P4HB: variants seen among roughly 807,000 people sequenced by gnomAD.
The protein encoded by P4HB is prolyl 4-hydroxylase subunit beta, also known as protein disulfide-isomerase.
In P4HB, 20 loss-of-function variants were observed where a neutral mutation model predicts 52.6. The ratio of observed to expected loss-of-function variants is 0.38; its 90% CI spans 0.27 to 0.55. The LOEUF (loss-of-function observed/expected upper bound fraction) is 0.55, where lower values mean the gene tolerates loss of function less well. P4HB is among the 20% of genes least tolerant of loss of function. The pLI, the probability that P4HB is intolerant of heterozygous loss-of-function variation, is 0.74. For synonymous variants in P4HB, 296 were observed against 277.9 expected, an observed-to-expected ratio of 1.07 and a Z score of -0.65; for missense variants, 601 against 669.2, an observed-to-expected ratio of 0.90 and a Z score of 1.12.
Position 81,855,681 on chromosome 17 carries a change from G to GGC in P4HB, c.353-96_353-95insGC. 1 of 1,413,352 alleles carries GGC rather than the reference G, an allele frequency of 7.1e-7. No homozygotes were observed. The highest frequency in any genetic ancestry group is 9.6e-7 in the Non-Finnish European group (1 of 1,042,674). The allele number at this position is 1,413,352 out of a possible 1,614,324, so 87.6% of individuals were successfully genotyped here. ...GTCTCTGCTCTCTGCCAGCCAGGCT[G>GGC]AGGACACCTGAATCAACCTAAGTAA... On this transcript the variant is annotated intron_variant, in intron 2 of 10. Coordinates refer to ENST00000331483, the MANE Select transcript of P4HB (RefSeq NM_000918.4). The surrounding 1 kb of genome is among the most constrained non-coding windows in gnomAD (Gnocchi z 4.3).
intron 4 of P4HB, among the ~76,000 whole-genome samples, chr17:81,852,238 CAGA>C (rs563061769): frequency 1.2e-3 from 184 of 152,266 alleles, no homozygotes; most frequent in African/African-American, 4.1e-3. Flanking sequence ...AGTGAAATAT[CAGA>C]AGCTCTCACA....
chr17:81,860,031 G>T, intron 1 of P4HB: 1 of 275,618 alleles, frequency 3.6e-6, no homozygotes, highest in Non-Finnish European at 6.8e-6. Flanking sequence ...GGAGGACTCG[G>T]CAAGGCTGGA....
At position 81,855,355 on chromosome 17, in the gene P4HB, G is replaced by C; in HGVS notation, c.487-76C>G. The C allele has an allele frequency of 6.2e-7, 1 of 1,602,192 alleles. No homozygotes were observed. Among genetic ancestry groups the C allele is most frequent in the Non-Finnish European group, 8.5e-7 (1 of 1,171,436 alleles). On this transcript the variant is annotated intron_variant, in intron 3 of 10. Transcript: ENST00000331483. The surrounding 1 kb of genome is among the most constrained non-coding windows in gnomAD (Gnocchi z 4.3). The stretch of plus-strand genomic sequence containing the variant: ...AGTAGGGCAGACCCTGTAGAGCCCA[G>C]GCCAGGGGGGACACGTGCAGAACTG...
In P4HB at chr17:81,860,500, G is replaced by T; in HGVS notation, c.-29C>A. Reference sequence around the variant, plus strand: ...GGACACGGATCAGGCGGGGCGCTTCGGTTGGCGCCGCCGGGACAGCGGGGG... The same window carrying T: ...GGACACGGATCAGGCGGGGCGCTTCTGTTGGCGCCGCCGGGACAGCGGGGG... On this transcript the variant is annotated 5_prime_UTR_variant, in exon 1 of 11. Transcript: ENST00000331483. The T allele has an allele frequency of 1.6e-6, 2 of 1,245,210 alleles. No homozygotes were observed. Among genetic ancestry groups the T allele is most frequent in the East Asian group, 3.2e-5 (1 of 31,314 alleles). The allele number at this position is 1,245,210 out of a possible 1,614,324, so 77.1% of individuals were successfully genotyped here.
intron 4 of P4HB, 173 bp from the exon 5 acceptor site, chr17:81,847,520 A>C: frequency 1.6e-6 from 1 of 634,812 alleles, no homozygotes; most frequent in South Asian, 1.8e-5. Flanking sequence ...CGACAGTAAG[A>C]CTGGCTCTGG....
intron 4 of P4HB, among the ~76,000 whole-genome samples, chr17:81,853,501 G>A (rs1482794865): frequency 1.3e-5 from 2 of 151,872 alleles, no homozygotes; most frequent in African/African-American, 4.8e-5. Flanking sequence ...GTGAACCCGT[G>A]AGGCGGAGCT....
chr17:81,852,145 C>A (rs140969859), intron 4 of P4HB, among the ~76,000 whole-genome samples: 1 of 152,164 alleles, frequency 6.6e-6, no homozygotes, highest in Non-Finnish European at 1.5e-5. Context: ...ATTGTGCCAC[C>A]GCACTCCAGC....
At position 81,845,910 on chromosome 17, in the gene P4HB, C is replaced by T. The variant is rs759952074; in HGVS notation, c.1138G>A (p.Val380Met). The change falls in exon 8 of 11, where the codon GTG (valine) becomes ATG (methionine). Residue 380 changes from valine (V) to methionine (M), a missense_variant. Transcript: ENST00000331483. The part of the protein sequence containing the change: ...KVLVGKNFED[V>M]AFDEKKNVFV... ...ACGTTTTTTTTCTCATCAAAAGCCA[C>T]GTCTTCAAAGTTCTTCCCAACAAGC... 17 of 1,613,670 alleles carry T rather than the reference C, an allele frequency of 1.1e-5. No homozygotes were observed. The highest frequency in any genetic ancestry group is 3.3e-5 in the South Asian group (3 of 91,046).
intron 2 of P4HB, among the ~76,000 whole-genome samples, chr17:81,858,416 C>G (rs1004530035): frequency 9.2e-5 from 14 of 152,162 alleles, no homozygotes; most frequent in African/African-American, 3.1e-4. Context: ...GAGTTGCTGC[C>G]ACTAGAACAG....
chr17:81,855,468 G>A lies in P4HB; in HGVS notation c.471C>T (p.Val157=), dbSNP rs112280540. The A allele has an allele frequency of 3.7e-6, 6 of 1,612,862 alleles. No individual in the cohort carries two copies. The highest frequency in any genetic ancestry group is 1.3e-5 in the African/African-American group (1 of 75,010). ...TGGTCTCTACCTTGAAGAAGCCGAT[G>A]ACAGCCACCTCGCTGGACTCCACCA... ...ESLVESSEVA[V]IGFFKDVESD... The change falls in exon 3 of 11, where the codon GTC becomes GTT. Residue 157 remains valine, a synonymous_variant. Coordinates refer to ENST00000331483, the MANE Select transcript of P4HB (RefSeq NM_000918.4). This position sits in a 1 kb window ranked among gnomAD's most constrained non-coding sequence, Gnocchi z 4.3.
chr17:81,843,369 A>C lies in P4HB; in HGVS notation c.*643T>G. On this transcript the variant is annotated 3_prime_UTR_variant, in exon 11 of 11. Transcript: ENST00000331483. ...ACAATGAGCCCACGACAGGAGGAGGAGCCCTGGCTTGAGGGAAGGGGAAGG... is the reference window on the plus strand; with the variant it reads ...ACAATGAGCCCACGACAGGAGGAGGCGCCCTGGCTTGAGGGAAGGGGAAGG... 2 of 397,244 alleles carry C rather than the reference A, an allele frequency of 5.0e-6. No homozygotes were observed. Among genetic ancestry groups the C allele is most frequent in the Non-Finnish European group, 8.9e-6 (2 of 225,908 alleles). 24.6% of individuals were successfully genotyped at this position (397,244 alleles called of 1,614,324 possible). A position where few individuals can be genotyped will look rare whatever the true frequency, so the allele number is the denominator to read the frequency against.
intron 1 of P4HB, chr17:81,859,753 G>A: frequency 3.2e-6 from 1 of 312,440 alleles, no homozygotes; most frequent in Non-Finnish European, 6.2e-6. Flanking sequence ...AGAAGTGACC[G>A]TGGCGGCCTG....
intron 4 of P4HB, among the ~76,000 whole-genome samples, chr17:81,853,973 C>T (rs2038874818): frequency 6.6e-6 from 1 of 152,216 alleles, no homozygotes; most frequent in Non-Finnish European, 1.5e-5. Flanking sequence ...AAACAAGGAC[C>T]CTGCTGTGTC....
Position 81,855,679 on chromosome 17 carries a change from C to A in P4HB, c.353-93G>T. 1.4e-6 allele frequency: 2 copies of A among 1,412,592 alleles called. No individual in the cohort carries two copies. The highest frequency in any genetic ancestry group is 1.3e-5 in the South Asian group (1 of 75,230). The allele number at this position is 1,412,592 out of a possible 1,614,324, so 87.5% of individuals were successfully genotyped here. On this transcript the variant is annotated intron_variant, in intron 2 of 10. Coordinates refer to ENST00000331483, the MANE Select transcript of P4HB (RefSeq NM_000918.4). The surrounding 1 kb of genome is among the most constrained non-coding windows in gnomAD (Gnocchi z 4.3). Reference sequence around the variant, plus strand: ...CCGTCTCTGCTCTCTGCCAGCCAGGCTGAGGACACCTGAATCAACCTAAGT... The same window carrying A: ...CCGTCTCTGCTCTCTGCCAGCCAGGATGAGGACACCTGAATCAACCTAAGT...
At position 81,859,385 on chromosome 17, in the gene P4HB, CA is replaced by C. The variant is rs1325234633; in HGVS notation, c.147del (p.Tyr49Ter). On this transcript the variant is annotated frameshift_variant and splice_region_variant, in exon 2 of 11. Transcript: ENST00000331483. LOFTEE classifies it high-confidence loss of function. ...AAHKYLLVEF[Y>X]APWCGHCKAL... The stretch of plus-strand genomic sequence containing the variant: ...GCCTTGCAGTGGCCACACCAAGGGG[CA>C]TCTGGAAGCGGAAATGAGATGCTAG... The C allele has an allele frequency of 3.1e-6, 5 of 1,612,200 alleles. No individual in the cohort carries two copies. The highest frequency in any genetic ancestry group is 4.2e-6 in the Non-Finnish European group (5 of 1,178,734).
chr17:81,844,222 G>C (rs2038697324), intron 10 of P4HB, 130 bp from the exon 11 acceptor site: 1 of 762,144 alleles, frequency 1.3e-6, no homozygotes, highest in Non-Finnish European at 2.4e-6. Flanking sequence ...GGCCACTGGA[G>C]CAGCCAACCC....
chr17:81,849,869 C>T (rs1018501542), intron 4 of P4HB, among the ~76,000 whole-genome samples: 1 of 152,118 alleles, frequency 6.6e-6, no homozygotes, highest in South Asian at 2.1e-4. Context: ...CTATTGTCAC[C>T]CAGGCTGGAG....
intron 2 of P4HB, among the ~76,000 whole-genome samples, chr17:81,856,271 ATCC>A (rs1248887994): frequency 6.6e-6 from 1 of 151,118 alleles, no homozygotes; most frequent in African/African-American, 2.4e-5. Flanking sequence ...GGCTCAAGCA[ATCC>A]TCCTACCTCA....
rs1335900401 is a variant in P4HB, at chr17:81,845,220, T to C, written c.1370A>G (p.Tyr457Cys). ...ACCATCCAGCGTGCGTTCCCCGTTG[T>C]AATCAATGACCTGTGGAAGACAGGG... is the stretch of plus-strand genomic sequence containing the variant. ...PASADRTVID[Y>C]NGERTLDGFK... is the part of the protein sequence containing the mutation. Residue 457 changes from tyrosine (Y) to cysteine (C), a missense_variant, in exon 10 of 11, where the codon TAC becomes TGC. By Grantham distance (194) the Tyr-to-Cys change is radical. Transcript: ENST00000331483. The C allele has an allele frequency of 6.2e-7, 1 of 1,613,346 alleles. No individual in the cohort carries two copies. Among genetic ancestry groups the C allele is most frequent in the Non-Finnish European group, 8.5e-7 (1 of 1,179,424 alleles).
Sources: allele counts gnomAD v4.1 joint callset (sites outside exome capture counted in the v4.1 genomes callset), GRCh38; gene constraint gnomAD v4.1.1; non-coding constraint Gnocchi (gnomAD v3.1); transcripts MANE v1.5; gene names NCBI Gene and HGNC (gene_info 2026-07-23, HGNC 2026-07-21).